Variants in PAF1 observed in about 807,000 individuals in gnomAD.
The protein encoded by PAF1 is PAF1 component of Paf1/RNA polymerase II complex.
A neutral mutation model predicts 68.4 loss-of-function variants in PAF1; 31 were observed. The observed-to-expected ratio is 0.45, with a 90% CI of 0.34 to 0.61. The LOEUF is 0.61. Ranked by LOEUF, PAF1 falls within the 20% of genes least tolerant of loss-of-function variation. PAF1 has a pLI of 0.01. For synonymous variants in PAF1, 256 were observed against 240.5 expected (o/e 1.06, Z -0.60); for missense variants, 435 against 692.9 (o/e 0.63, Z 4.18).
rs2078331977 is a variant in PAF1, at chr19:39,389,727, G to C, written c.205C>G (p.Gln69Glu). ...TCAGTCAGGAGGTCATGTTTGTGCT[G>C]TTTCTCCAAGGAAGTGGCTTTGTAC... Reference protein sequence around the residue: ...VQYKATSLEKQHKHDLLTEPD... With the variant: ...VQYKATSLEKEHKHDLLTEPD... The change falls in exon 4 of 14, where the codon CAG becomes GAG. Residue 69 changes from glutamine (Q) to glutamate (E), a missense_variant. Around this residue, in one of 7 missense-constraint regions of PAF1, gnomAD observed 77 missense variants for 118.2 expected, o/e 0.65. Coordinates refer to ENST00000221265, the MANE Select transcript of PAF1 (RefSeq NM_019088.4). This position sits in a 1 kb window ranked among gnomAD's most constrained non-coding sequence, Gnocchi z 5.3. The C allele has an allele frequency of 6.2e-7, 1 of 1,614,030 alleles. No individual in the cohort carries two copies. Among genetic ancestry groups the C allele is most frequent in the Non-Finnish European group, 8.5e-7 (1 of 1,180,002 alleles).
At position 39,391,092 on chromosome 19, in the gene PAF1, T is replaced by C. The variant is rs1376672578; in HGVS notation, c.-228A>G. ...GACTCGAAGCTCCGGTTCCACCAACTGCCGCCAAGACGCTGAGGACCCAAC... is the reference window on the plus strand; with the variant it reads ...GACTCGAAGCTCCGGTTCCACCAACCGCCGCCAAGACGCTGAGGACCCAAC... On this transcript the variant is annotated 5_prime_UTR_variant, in exon 1 of 14. Transcript: ENST00000221265. 1 of 630,010 alleles carries C rather than the reference T, an allele frequency of 1.6e-6. No individual in the cohort carries two copies. The highest frequency in any genetic ancestry group is 1.8e-5 in the African/African-American group (1 of 54,328). 39.0% of individuals were successfully genotyped at this position (630,010 alleles called of 1,614,324 possible).
In PAF1 at chr19:39,386,408, A is replaced by T; in HGVS notation, c.1184-5T>A. ...TGCCCTTCTCCTGCTCCTCATCTGG[A>T]AGGGAGTGGAGAGAGATGAAACCCA... On this transcript the variant is annotated splice_polypyrimidine_tract_variant and splice_region_variant and intron_variant, in intron 13 of 13. Transcript: ENST00000221265. The surrounding 1 kb of genome is among the most constrained non-coding windows in gnomAD (Gnocchi z 6.1). 1 of 1,613,970 alleles carries T rather than the reference A, an allele frequency of 6.2e-7. No individual in the cohort carries two copies. The highest frequency in any genetic ancestry group is 8.5e-7 in the Non-Finnish European group (1 of 1,179,936).
Position 39,390,074 on chromosome 19 carries a change from C to T in PAF1, c.165G>A (p.Gln55=), listed in dbSNP as rs1275561754. ...DPKFITYPFD[Q]NRFVQYKATS... ...TTCCCATTCCTTAGTCTCACCTGTT[C>T]TGGTCGAAGGGGTAGGTGATGAACT... The change falls in exon 3 of 14, where the codon CAG becomes CAA. Residue 55 remains glutamine, a synonymous_variant. Coordinates refer to ENST00000221265, the MANE Select transcript of PAF1 (RefSeq NM_019088.4). 4 of 1,612,644 alleles carry T rather than the reference C, an allele frequency of 2.5e-6. No homozygotes were observed. In the South Asian group the frequency reaches 3.3e-5, roughly 13 times the overall value.
At position 39,388,588 on chromosome 19, in the gene PAF1, C is replaced by T; in HGVS notation, c.829G>A (p.Glu277Lys). The change falls in exon 10 of 14, where the codon GAG becomes AAG. Residue 277 changes from glutamate to lysine, a missense_variant. Around this residue, in one of 7 missense-constraint regions of PAF1, gnomAD observed 151 missense variants for 306.3 expected, o/e 0.49. Coordinates refer to ENST00000221265, the MANE Select transcript of PAF1 (RefSeq NM_019088.4). ...TLKKRKRDQE[E>K]EMDYAPDDVY... The stretch of plus-strand genomic sequence containing the variant: ...TCATCTGGTGCATAGTCCATCTCCT[C>T]CTCCTGGTCCCGCTTTCGTTTCTTC... The T allele has an allele frequency of 6.2e-7, 1 of 1,614,196 alleles. No homozygotes were observed. Among genetic ancestry groups the T allele is most frequent in the South Asian group, 1.1e-5 (1 of 91,086 alleles).
In PAF1 at chr19:39,390,145, G is replaced by A; in HGVS notation, c.94C>T (p.Arg32Ter). ...TLPERSGVVC[R>*]VKYCNSLPDI... ...GGGAGGCTATTGCAGTACTTGACTC[G>A]GCAGACCACTCCAGACCTAGGAACA... is the stretch of plus-strand genomic sequence containing the variant. The change falls in exon 3 of 14, where the codon CGA becomes TGA. Residue 32 changes from arginine to a stop codon, truncating the protein, a stop_gained. Transcript: ENST00000221265. LOFTEE classifies it high-confidence loss of function. 6.2e-7 allele frequency: 1 copy of A among 1,613,946 alleles called. No homozygotes were observed. Among genetic ancestry groups the A allele is most frequent in the South Asian group, 1.1e-5 (1 of 91,072 alleles).
Position 39,385,917 on chromosome 19 carries a change from A to G in PAF1, c.*74T>C. ...TGGGGAACAAACAAGTGAAAGGCTC[A>G]CAAACAGACCACTAGAAAAGTGCTT... is the stretch of plus-strand genomic sequence containing the variant. On this transcript the variant is annotated 3_prime_UTR_variant, in exon 14 of 14. Transcript: ENST00000221265. 1.3e-6 allele frequency: 2 copies of G among 1,582,568 alleles called. No homozygotes were observed. The highest frequency in any genetic ancestry group is 2.3e-5 in the South Asian group (2 of 88,714).
Position 39,385,843 on chromosome 19 carries a change from G to A in PAF1, c.*148C>T, listed in dbSNP as rs2078233934. On this transcript the variant is annotated 3_prime_UTR_variant, in exon 14 of 14. Coordinates refer to ENST00000221265, the MANE Select transcript of PAF1 (RefSeq NM_019088.4). Reference sequence around the variant, plus strand: ...GGCTGAATGACATCATAGGGGCTGGGAGGGGAAGTAAAGAGAAGTTGACTT... The same window carrying A: ...GGCTGAATGACATCATAGGGGCTGGAAGGGGAAGTAAAGAGAAGTTGACTT... The A allele has an allele frequency of 1.8e-5, 21 of 1,181,670 alleles. No individual in the cohort carries two copies. Among genetic ancestry groups the A allele is most frequent in the Non-Finnish European group, 2.3e-5 (20 of 851,838 alleles). 73.2% of individuals were successfully genotyped at this position (1,181,670 alleles called of 1,614,324 possible).
In PAF1 at chr19:39,390,253, G is replaced by C; in HGVS notation, c.77+7C>G. The C allele has an allele frequency of 6.2e-7, 1 of 1,613,858 alleles. No individual in the cohort carries two copies. The highest frequency in any genetic ancestry group is 8.5e-7 in the Non-Finnish European group (1 of 1,179,854). The stretch of plus-strand genomic sequence containing the variant: ...CACCGCTCCTGGGAAAGCACAGTGG[G>C]GCTCACCTCTCAGGCAGAGTCCGGT... On this transcript the variant is annotated splice_region_variant and intron_variant, in intron 2 of 13. Coordinates refer to ENST00000221265, the MANE Select transcript of PAF1 (RefSeq NM_019088.4).
At position 39,388,934 on chromosome 19, in the gene PAF1, C is replaced by T; in HGVS notation, c.636+13G>A. 2 of 1,613,956 alleles carry T rather than the reference C, an allele frequency of 1.2e-6. No individual in the cohort carries two copies. Among genetic ancestry groups the T allele is most frequent in the Middle Eastern group, 1.6e-4 (1 of 6,062 alleles). On this transcript the variant is annotated intron_variant, in intron 8 of 13. Transcript: ENST00000221265. ...ATAGGCTGTCCCTTTCTACCTCCCA[C>T]CTTGGGCCTGACCTTAAAGTCTGGG...
In PAF1 at chr19:39,386,267, G is replaced by A. The variant is rs34005092; in HGVS notation, c.1320C>T (p.Ser440=). 170 of 1,613,938 alleles carry A rather than the reference G, an allele frequency of 1.1e-4. 3 individuals carry two copies. Among genetic ancestry groups the A allele is most frequent in the East Asian group, 6.9e-4 (31 of 44,890 alleles). ...CACGGGCAGCCCGGGCCTCATCCTC[G>A]CTGCTCTCGTCCTCACCACTGCCAC... ...DKSGSGEDES[S]EDEARAARDK... is the part of the protein sequence containing the mutation. Residue 440 remains serine, a synonymous_variant, in exon 14 of 14, where the codon AGC becomes AGT. Transcript: ENST00000221265. This position sits in a 1 kb window ranked among gnomAD's most constrained non-coding sequence, Gnocchi z 6.1.
Position 39,390,875 on chromosome 19 carries a change from C to A in PAF1, c.-11G>T. On this transcript the variant is annotated 5_prime_UTR_variant, in exon 1 of 14. Coordinates refer to ENST00000221265, the MANE Select transcript of PAF1 (RefSeq NM_019088.4). ...GATGGTGGGCGCCATAGCGACGAGG[C>A]GACGGCAGCCCGGACGGGGTCCTAG... 6.3e-7 allele frequency: 1 copy of A among 1,576,882 alleles called. No individual in the cohort carries two copies. Among genetic ancestry groups the A allele is most frequent in the Admixed American group, 1.8e-5 (1 of 54,490 alleles).
intron 1 of PAF1, among the ~76,000 whole-genome samples, chr19:39,390,568 C>T (rs2078358377): frequency 6.6e-6 from 1 of 152,208 alleles, no homozygotes; most frequent in African/African-American, 2.4e-5. Context: ...TGTACTCAAT[C>T]GTCTTCGGAA....
In PAF1 at chr19:39,389,860, T is replaced by G. The variant is rs1329756148; in HGVS notation, c.171-99A>C. On this transcript the variant is annotated intron_variant, in intron 3 of 13. Transcript: ENST00000221265. This position sits in a 1 kb window ranked among gnomAD's most constrained non-coding sequence, Gnocchi z 5.3. ...AGCTTCTCTGGGGAGGAACTCAGAA[T>G]GAAGTGTCCCCCATGGCAGAGTCTG... 1 of 1,509,978 alleles carries G rather than the reference T, an allele frequency of 6.6e-7. No individual in the cohort carries two copies. Among genetic ancestry groups the G allele is most frequent in the African/African-American group, 1.4e-5 (1 of 72,802 alleles). The allele number at this position is 1,509,978 out of a possible 1,614,324, so 93.5% of individuals were successfully genotyped here. A position where few individuals can be genotyped will look rare whatever the true frequency, so the allele number is the denominator to read the frequency against.
Position 39,386,452 on chromosome 19 carries a change from G to C in PAF1, c.1183+30C>G. 2 of 1,614,044 alleles carry C rather than the reference G, an allele frequency of 1.2e-6. No homozygotes were observed. The highest frequency in any genetic ancestry group is 1.7e-6 in the Non-Finnish European group (2 of 1,179,994). On this transcript the variant is annotated intron_variant, in intron 13 of 13. Transcript: ENST00000221265. This position sits in a 1 kb window ranked among gnomAD's most constrained non-coding sequence, Gnocchi z 6.1. ...AAACCCACTTTTCCACCCTCCCAGG[G>C]CTCCCAGAGTCTGGCCTGTCCAGAT...
At position 39,386,885 on chromosome 19, in the gene PAF1, G is replaced by T. The variant is rs2078264003; in HGVS notation, c.987-86C>A. On this transcript the variant is annotated intron_variant, in intron 11 of 13. Transcript: ENST00000221265. This position sits in a 1 kb window ranked among gnomAD's most constrained non-coding sequence, Gnocchi z 6.1. ...TTCCCCGCCCCCCAGTGAGGGGTCT[G>T]GTCTGACTTGGTTCCCCATCAATAC... The T allele has an allele frequency of 1.2e-6, 1 of 852,064 alleles. No individual in the cohort carries two copies. The highest frequency in any genetic ancestry group is 2.0e-6 in the Non-Finnish European group (1 of 497,962). The allele number at this position is 852,064 out of a possible 1,614,324, so 52.8% of individuals were successfully genotyped here. A position where few individuals can be genotyped will look rare whatever the true frequency, so the allele number is the denominator to read the frequency against.
Position 39,386,948 on chromosome 19 carries a change from C to A in PAF1, c.987-149G>T. On this transcript the variant is annotated intron_variant, in intron 11 of 13. Coordinates refer to ENST00000221265, the MANE Select transcript of PAF1 (RefSeq NM_019088.4). This position sits in a 1 kb window ranked among gnomAD's most constrained non-coding sequence, Gnocchi z 6.1. ...GGAATAAATACAGATTGAATAAGGGCAGCTAAGCTCAAGGTATTGAGGGCA... is the reference window on the plus strand; with the variant it reads ...GGAATAAATACAGATTGAATAAGGGAAGCTAAGCTCAAGGTATTGAGGGCA... The A allele has an allele frequency of 1.6e-6, 1 of 642,702 alleles. No homozygotes were observed. The highest frequency in any genetic ancestry group is 2.8e-6 in the Non-Finnish European group (1 of 356,060). The allele number at this position is 642,702 out of a possible 1,614,324, so 39.8% of individuals were successfully genotyped here.
chr19:39,386,430 C>T lies in PAF1; in HGVS notation c.1184-27G>A. The T allele has an allele frequency of 1.9e-6, 3 of 1,614,076 alleles. No homozygotes were observed. The East Asian group carries it at 6.7e-5, about 36-fold the overall frequency. On this transcript the variant is annotated intron_variant, in intron 13 of 13. Coordinates refer to ENST00000221265, the MANE Select transcript of PAF1 (RefSeq NM_019088.4). The surrounding 1 kb of genome is among the most constrained non-coding windows in gnomAD (Gnocchi z 6.1). ...TGGAAGGGAGTGGAGAGAGATGAAA[C>T]CCACTTTTCCACCCTCCCAGGGCTC...
rs919537915 is a variant in PAF1 at position 39,388,592 on chromosome 19, C to T, written c.825G>A (p.Gln275=). The T allele has an allele frequency of 1.2e-6, 2 of 1,614,180 alleles. No individual in the cohort carries two copies. The highest frequency in any genetic ancestry group is 2.2e-5 in the East Asian group (1 of 44,888). Reference sequence around the variant, plus strand: ...CTGGTGCATAGTCCATCTCCTCCTCCTGGTCCCGCTTTCGTTTCTTCAACG... The same window carrying T: ...CTGGTGCATAGTCCATCTCCTCCTCTTGGTCCCGCTTTCGTTTCTTCAACG... ...EETLKKRKRD[Q]EEEMDYAPDD... is the part of the protein sequence containing the mutation. The change falls in exon 10 of 14, where the codon CAG becomes CAA. Residue 275 remains glutamine, a synonymous_variant. Transcript: ENST00000221265.
At chr19:39,390,709 G>A in intron 1 of PAF1, 109 bp downstream of exon 1, 1 of 1,183,066 alleles carries the variant, frequency 8.5e-7, no homozygotes, top group South Asian at 1.3e-5. Flanking sequence ...CTTCGTCAAA[G>A]GTGAGCGCTT....
Sources: allele counts gnomAD v4.1 joint callset (sites outside exome capture counted in the v4.1 genomes callset), GRCh38; gene constraint gnomAD v4.1.1; regional missense constraint gnomAD v4.1.1; non-coding constraint Gnocchi (gnomAD v3.1); transcripts MANE v1.5; gene names NCBI Gene and HGNC (gene_info 2026-07-23, HGNC 2026-07-21).